Variants in VGLL4 observed in about 807,000 individuals in gnomAD.
VGLL4 encodes transcription cofactor vestigial-like protein 4.
Under a neutral mutation model 21.0 loss-of-function variants are expected in VGLL4, and 7 were observed. The observed-to-expected ratio is 0.33, with a 90% CI of 0.19 to 0.63. The LOEUF (loss-of-function observed/expected upper bound fraction) is 0.63, where lower values mean the gene tolerates loss of function less well. VGLL4 is among the 20% of genes least tolerant of loss of function. The pLI is 0.78. For missense variants in VGLL4, 394 were observed against 425.7 expected (o/e 0.93, Z 0.66); for synonymous variants, 222 against 173.2 (o/e 1.28, Z -2.21).
intron 2 of VGLL4, among the ~76,000 whole-genome samples, chr3:11,686,934 A>G (rs2076457800): frequency 6.6e-6 from 1 of 152,238 alleles, no homozygotes; most frequent in Non-Finnish European, 1.5e-5. Flanking sequence ...TACGTCTAAC[A>G]TAGTAAAGTA....
rs2072420584 is a variant in VGLL4, at chr3:11,556,452, T to C, written c.*2104A>G. 6.6e-6 allele frequency: 1 copy of C among 152,382 alleles called. No homozygotes were observed. Among genetic ancestry groups the C allele is most frequent in the Non-Finnish European group, 1.5e-5 (1 of 67,974 alleles). The allele number at this position is 152,382 out of a possible 1,614,324, so 9.4% of individuals were successfully genotyped here. A position where few individuals can be genotyped will look rare whatever the true frequency, so the allele number is the denominator to read the frequency against. On this transcript the variant is annotated 3_prime_UTR_variant, in exon 5 of 5. Transcript: ENST00000430365. ...CTGACAAAGAGACCTGTCCCAGGAG[T>C]GTCCTCCACCGAGCCGGTCAGCTGT...
intron 1 of VGLL4, chr3:11,610,309 A>G (rs1446483779): frequency 6.6e-6 from 1 of 152,186 alleles, no homozygotes; most frequent in East Asian, 1.9e-4. Context: ...GGGAGAAGAC[A>G]CCGTGAAGTC....
intron 2 of VGLL4, among the ~76,000 whole-genome samples, chr3:11,575,262 G>A (rs1196376987): frequency 2.6e-5 from 4 of 152,196 alleles, no homozygotes; most frequent in South Asian, 2.1e-4. Flanking sequence ...CAGAGCAAAC[G>A]GGCGTCCATT....
At chr3:11,560,534 A>C (rs1412115376) in intron 3 of VGLL4, among the ~76,000 whole-genome samples, 1 of 152,184 alleles carries the variant, frequency 6.6e-6, no homozygotes, top group Non-Finnish European at 1.5e-5. Flanking sequence ...AAAGACACAA[A>C]AGGCTTGCAT....
chr3:11,654,175 G>A (rs769235457), intron 2 of VGLL4, among the ~76,000 whole-genome samples: 4 of 152,078 alleles, frequency 2.6e-5, no homozygotes, highest in Non-Finnish European at 5.9e-5. Flanking sequence ...TCATTATTGG[G>A]CATTTTCTCC....
rs558583530 is a variant in VGLL4 at position 11,682,472 on chromosome 3, G to T, written c.64+20499C>A. Among the ~76,000 whole-genome samples, 5 of 151,168 alleles carry T rather than the reference G, an allele frequency of 3.3e-5. No homozygotes were observed. The South Asian group carries it at 1.0e-3, about 32-fold the overall frequency. On this transcript the variant is annotated intron_variant, in intron 2 of 5. Transcript: ENST00000273038. Reference sequence around the variant, plus strand: ...GGGCACCTGTAATCCCAGCTACTCAGGAGGCTGTGACACAAGAATCACTCG... The same window carrying T: ...GGGCACCTGTAATCCCAGCTACTCATGAGGCTGTGACACAAGAATCACTCG...
At chr3:11,695,401 G>A (rs1185595959) in intron 2 of VGLL4, among the ~76,000 whole-genome samples, 1 of 152,050 alleles carries the variant, frequency 6.6e-6, no homozygotes, top group Non-Finnish European at 1.5e-5. Context: ...GGAGTAAGGA[G>A]GAATGATACT....
intron 4 of VGLL4, among the ~76,000 whole-genome samples, 172 bp from the exon 5 acceptor site, chr3:11,558,999 CTT>C (rs1434372756): frequency 1.3e-5 from 2 of 152,198 alleles, no homozygotes; most frequent in Non-Finnish European, 2.9e-5. Context: ...GGGCAGGTCA[CTT>C]TTCTGTAAAA....
intron 2 of VGLL4, among the ~76,000 whole-genome samples, chr3:11,660,302 A>C (rs1162605077): frequency 6.6e-6 from 1 of 152,302 alleles, no homozygotes; most frequent in Non-Finnish European, 1.5e-5. Flanking sequence ...TCTTTGAAAA[A>C]TTTGGATAAT....
At position 11,642,659 on chromosome 3, in the gene VGLL4, G is replaced by A. The variant is rs181248701; in HGVS notation, c.82+778C>T. 4.1e-4 allele frequency among the ~76,000 whole-genome samples: 63 copies of A among 152,338 alleles called. 1 individual carries two copies. The Middle Eastern group carries it at 0.014, about 33-fold the overall frequency. ...AGGATGTCCGAGGGCTTAAGAAATA[G>A]ATTTTTCTCTGACTGCTACCAGAGA... On this transcript the variant is annotated intron_variant, in intron 1 of 4. Transcript: ENST00000430365.
At chr3:11,588,573 G>A (rs2125238934) in intron 2 of VGLL4, among the ~76,000 whole-genome samples, 1 of 152,372 alleles carries the variant, frequency 6.6e-6, no homozygotes, top group Middle Eastern at 3.4e-3. Flanking sequence ...TCGAGCACCA[G>A]TAAGACCAGC....
At chr3:11,670,283 T>C (rs2076186973) in intron 2 of VGLL4, among the ~76,000 whole-genome samples, 1 of 152,164 alleles carries the variant, frequency 6.6e-6, no homozygotes, top group Non-Finnish European at 1.5e-5. Flanking sequence ...AAAACTGAAG[T>C]CTACGTTGGA....
intron 2 of VGLL4, among the ~76,000 whole-genome samples, chr3:11,666,494 G>C (rs116724544): frequency 0.014 from 2,147 of 152,270 alleles, 31 homozygotes; most frequent in Non-Finnish European, 0.023. Flanking sequence ...TTAGAAACGG[G>C]AAAGCAGCTA....
intron 1 of VGLL4, among the ~76,000 whole-genome samples, chr3:11,606,090 CG>C (rs1165683656): frequency 6.6e-6 from 1 of 152,038 alleles, no homozygotes; most frequent in Non-Finnish European, 1.5e-5. Context: ...CTCACAATCA[CG>C]GAGGAAGCCG....
At chr3:11,643,926 A>C (rs1575488827), upstream of VGLL4, 1 of 995,502 alleles carries the variant, frequency 1.0e-6, no homozygotes, top group East Asian at 1.1e-4. Flanking sequence ...GCTTGGCATG[A>C]CTCCTATGCC....
At chr3:11,680,225 T>C (rs2076349936) in intron 2 of VGLL4, among the ~76,000 whole-genome samples, 1 of 152,120 alleles carries the variant, frequency 6.6e-6, no homozygotes, top group African/African-American at 2.4e-5. Flanking sequence ...TCAAGCACGC[T>C]CTGCGATGTT....
Position 11,558,014 on chromosome 3 carries a change from CCCTCAG to C in VGLL4, c.*536_*541del, listed in dbSNP as rs2072599168. 1 of 155,652 alleles carries C rather than the reference CCCTCAG, an allele frequency of 6.4e-6. No individual in the cohort carries two copies. Among genetic ancestry groups the C allele is most frequent in the Admixed American group, 6.3e-5 (1 of 15,982 alleles). The allele number at this position is 155,652 out of a possible 1,614,324, so 9.6% of individuals were successfully genotyped here. A position where few individuals can be genotyped will look rare whatever the true frequency, so the allele number is the denominator to read the frequency against. On this transcript the variant is annotated 3_prime_UTR_variant, in exon 5 of 5. Coordinates refer to ENST00000430365, the MANE Select transcript of VGLL4 (RefSeq NM_001128219.3). ...AAACCCTTTGTTTTTCAGCAGTTTG[CCCTCAG>C]AGTTCTGGCATAACACATAAAGTTG...
chr3:11,596,534 G>A (rs906044382), intron 2 of VGLL4, among the ~76,000 whole-genome samples: 7 of 152,178 alleles, frequency 4.6e-5, no homozygotes, highest in African/African-American at 9.7e-5. Context: ...CGGGGAGGGC[G>A]AGGAGGAGCT....
intron 2 of VGLL4, 92 bp downstream of exon 2, chr3:11,601,741 A>G: frequency 1.4e-6 from 2 of 1,384,374 alleles, no homozygotes; most frequent in East Asian, 2.4e-5. Context: ...AAAGTATGCA[A>G]ATGATAACAT....
Sources: gnomAD v4.1 joint callset for allele counts (sites outside exome capture counted in the v4.1 genomes callset) on GRCh38, gnomAD v4.1.1 for gene constraint, MANE v1.5 for transcripts, NCBI Gene and HGNC (gene_info 2026-07-23, HGNC 2026-07-21) for gene names.